GNAO1: variants seen among roughly 807,000 people sequenced by gnomAD.
The protein encoded by GNAO1 is G protein subunit alpha o1.
For missense variants in GNAO1, 166 were observed against 478.7 expected, an observed-to-expected ratio of 0.35 and a Z score of 6.10; for synonymous variants, 164 against 180.7, an observed-to-expected ratio of 0.91 and a Z score of 0.74.
intron 3 of GNAO1, among the ~76,000 whole-genome samples, chr16:56,286,958 C>G (rs554826170): frequency 2.2e-4 from 34 of 152,216 alleles, no homozygotes; most frequent in Non-Finnish European, 4.9e-4. Flanking sequence ...TGTGCTGCCC[C>G]GTGCAGGAGA....
chr16:56,209,010 C>G (rs1201389676), intron 2 of GNAO1, among the ~76,000 whole-genome samples: 1 of 152,008 alleles, frequency 6.6e-6, no homozygotes, highest in African/African-American at 2.4e-5. Flanking sequence ...CAGTCTCCCT[C>G]TTTTTGGTTA....
intron 3 of GNAO1, among the ~76,000 whole-genome samples, chr16:56,285,199 G>A (rs545274001): frequency 2.6e-5 from 4 of 152,346 alleles, no homozygotes; most frequent in South Asian, 2.1e-4. Context: ...AACTGCAAGC[G>A]GTGATGCCTT....
chr16:56,327,515 A>G (rs553124319), intron 3 of GNAO1, among the ~76,000 whole-genome samples: 23 of 152,136 alleles, frequency 1.5e-4, no homozygotes, highest in African/African-American at 5.1e-4. Context: ...GTGTTCACCA[A>G]ATCCTTTGTA....
intron 4 of GNAO1, among the ~76,000 whole-genome samples, chr16:56,331,355 C>T (rs2037686454): frequency 1.3e-5 from 2 of 152,180 alleles, no homozygotes; most frequent in Admixed American, 1.3e-4. Context: ...TTGGCATTGG[C>T]TTTCCTCAAA....
intron 2 of GNAO1, among the ~76,000 whole-genome samples, chr16:56,269,618 G>A (rs1255283182): frequency 2.0e-5 from 3 of 152,138 alleles, no homozygotes; most frequent in South Asian, 2.1e-4. Context: ...AGAAGCCCCC[G>A]CTTCCTGTGG....
intron 2 of GNAO1, among the ~76,000 whole-genome samples, chr16:56,256,054 T>A (rs2036843403): frequency 6.6e-6 from 1 of 152,198 alleles, no homozygotes; most frequent in Non-Finnish European, 1.5e-5. Context: ...CACTGTTCGT[T>A]CTGACAGATC....
chr16:56,205,202 C>T (rs1457736147), intron 2 of GNAO1, among the ~76,000 whole-genome samples: 1 of 152,108 alleles, frequency 6.6e-6, no homozygotes, highest in Non-Finnish European at 1.5e-5. Flanking sequence ...AGTTATGAGA[C>T]CTGGATGGTT....
intron 6 of GNAO1, chr16:56,348,151 A>C (rs1486083227): frequency 2.1e-6 from 2 of 974,888 alleles, no homozygotes; most frequent in Non-Finnish European, 2.4e-6. Flanking sequence ...TGGCTGCCAT[A>C]ATGTATTTAT....
Position 56,316,945 on chromosome 16 carries a change from G to A in GNAO1, c.304-11686G>A, listed in dbSNP as rs578165269. Among the ~76,000 whole-genome samples, 8 of 152,300 alleles carry A rather than the reference G, an allele frequency of 5.3e-5. No homozygotes were observed. In the South Asian group the frequency reaches 1.0e-3, roughly 20 times the overall value. On this transcript the variant is annotated intron_variant, in intron 3 of 8. Transcript: ENST00000262493. ...TCTGGGTGAAAACTTTCAGGTGTGC[G>A]GGAACCAGTGACAGGGCCTCAGAGG... is the stretch of plus-strand genomic sequence containing the variant.
At chr16:56,261,020 A>G (rs529666774) in intron 2 of GNAO1, among the ~76,000 whole-genome samples, 4 of 152,348 alleles carry the variant, frequency 2.6e-5, no homozygotes, top group Admixed American at 2.0e-4. Context: ...CCATGTAGTC[A>G]GAGATGTTTG....
At chr16:56,194,411 A>G (rs1300036245) in intron 2 of GNAO1, 1 of 374,852 alleles carries the variant, frequency 2.7e-6, no homozygotes, top group Non-Finnish European at 5.3e-6. Context: ...GTCTGTAATC[A>G]GCAGTGGCGG....
chr16:56,299,029 G>C (rs559812636), intron 3 of GNAO1, among the ~76,000 whole-genome samples: 18 of 152,302 alleles, frequency 1.2e-4, no homozygotes, highest in African/African-American at 3.8e-4. Flanking sequence ...GTTTGGGAAG[G>C]CTTGCCTCAT....
intron 2 of GNAO1, among the ~76,000 whole-genome samples, chr16:56,231,010 A>G (rs1339979016): frequency 6.6e-6 from 1 of 152,130 alleles, no homozygotes; most frequent in Non-Finnish European, 1.5e-5. Context: ...TTTGTTCAGC[A>G]TTTCTTATCT....
intron 4 of GNAO1, among the ~76,000 whole-genome samples, chr16:56,332,532 A>G (rs1479645644): frequency 6.6e-6 from 1 of 152,148 alleles, no homozygotes; most frequent in Non-Finnish European, 1.5e-5. Flanking sequence ...TCTTCTGTTT[A>G]CCACCTCACA....
At chr16:56,206,102 CAA>C (rs1596795856) in intron 2 of GNAO1, among the ~76,000 whole-genome samples, 1 of 152,042 alleles carries the variant, frequency 6.6e-6, no homozygotes, top group Non-Finnish European at 1.5e-5. Flanking sequence ...GGGCGGATCA[CAA>C]AGTCAGGAGA....
intron 2 of GNAO1, among the ~76,000 whole-genome samples, chr16:56,229,008 G>A (rs556433202): frequency 6.6e-6 from 1 of 152,326 alleles, no homozygotes; most frequent in Non-Finnish European, 1.5e-5. Flanking sequence ...GTACATAGTA[G>A]GAGCTCAGTA....
chr16:56,301,122 T>C (rs2037339439), intron 3 of GNAO1: 1 of 152,240 alleles, frequency 6.6e-6, no homozygotes, highest in Admixed American at 6.5e-5. Context: ...CTGGGGTGGA[T>C]ACAGGCCAGC....
chr16:56,254,908 T>C (rs1411994277), intron 2 of GNAO1, among the ~76,000 whole-genome samples: 1 of 152,208 alleles, frequency 6.6e-6, no homozygotes, highest in East Asian at 1.9e-4. Context: ...TTAATGTTAT[T>C]TGAACACAAG....
chr16:56,351,077 C>T lies in GNAO1; in HGVS notation c.724-307C>T, dbSNP rs1312577081. ...AGCCACACACACGTGTGCTGGGAGA[C>T]CCTCACATAGCTGGGAACTCTGCAG... is the stretch of plus-strand genomic sequence containing the variant. On this transcript the variant is annotated intron_variant, in intron 6 of 8. Coordinates refer to ENST00000262493, the MANE Select transcript of GNAO1 (RefSeq NM_020988.3). This position sits in a 1 kb window ranked among gnomAD's most constrained non-coding sequence, Gnocchi z 6.1. Among the ~76,000 whole-genome samples, 2 of 152,200 alleles carry T rather than the reference C, an allele frequency of 1.3e-5. No individual in the cohort carries two copies. Among genetic ancestry groups the T allele is most frequent in the Non-Finnish European group, 2.9e-5 (2 of 68,036 alleles).
Sources: gnomAD v4.1 joint callset for allele counts (sites outside exome capture counted in the v4.1 genomes callset) on GRCh38, gnomAD v4.1.1 for gene constraint, Gnocchi (gnomAD v3.1) non-coding constraint, MANE v1.5 for transcripts, NCBI Gene and HGNC (gene_info 2026-07-23, HGNC 2026-07-21) for gene names.